Variants in CUX2 observed in about 807,000 individuals in gnomAD.
The protein encoded by CUX2 is cut like homeobox 2.
CUX2 carries 40 observed loss-of-function variants against 144.8 expected under a neutral mutation model. The observed-to-expected ratio is 0.28, with a 90% CI of 0.21 to 0.36. The LOEUF (loss-of-function observed/expected upper bound fraction) is 0.36, where lower values mean the gene tolerates loss of function less well. CUX2 is among the 10% of genes least tolerant of loss of function. The pLI is 1.00. For missense variants in CUX2, 1,615 were observed against 1,994.0 expected, an observed-to-expected ratio of 0.81 and a Z score of 3.62; for synonymous variants, 827 against 875.6, an observed-to-expected ratio of 0.94 and a Z score of 0.98.
intron 4 of CUX2, among the ~76,000 whole-genome samples, chr12:111,278,208 G>A (rs756914572): frequency 4.7e-4 from 72 of 152,346 alleles, no homozygotes; most frequent in Non-Finnish European, 9.1e-4. Context: ...CCTGAGCCCA[G>A]GAGTTTGAGA....
rs776128540 is a variant in CUX2, at chr12:111,307,152, T to C, written c.1050+40T>C. The C allele has an allele frequency of 2.5e-6, 4 of 1,613,894 alleles. No homozygotes were observed. The highest frequency in any genetic ancestry group is 3.4e-6 in the Non-Finnish European group (4 of 1,179,882). On this transcript the variant is annotated intron_variant, in intron 11 of 21. Coordinates refer to ENST00000261726, the MANE Select transcript of CUX2 (RefSeq NM_015267.4). The surrounding 1 kb of genome is among the most constrained non-coding windows in gnomAD (Gnocchi z 4.1). ...GGAGGCAGGCGGGCAGGCGGCCCCA[T>C]GCAGAAGCACACAGACCAGCCTCAC...
intron 1 of CUX2, among the ~76,000 whole-genome samples, chr12:111,119,439 A>T (rs1232830859): frequency 6.7e-6 from 1 of 149,942 alleles, no homozygotes; most frequent in African/African-American, 2.5e-5. Flanking sequence ...CCCCATCTTT[A>T]AAAAAAAAAT....
intron 1 of CUX2, among the ~76,000 whole-genome samples, chr12:111,114,876 T>G (rs780661660): frequency 7.2e-5 from 11 of 152,246 alleles, no homozygotes; most frequent in Non-Finnish European, 1.6e-4. Flanking sequence ...TTTTCTTTTT[T>G]CTTTATGGAT....
chr12:111,157,316 C>A (rs1877460709), intron 1 of CUX2, among the ~76,000 whole-genome samples: 1 of 150,576 alleles, frequency 6.6e-6, no homozygotes, highest in Admixed American at 6.7e-5. Flanking sequence ...ATGTGCCAGG[C>A]ACTAGTTGGG....
intron 3 of CUX2, among the ~76,000 whole-genome samples, chr12:111,220,937 TAAAAAAAAAA>T (rs1162004039): frequency 5.4e-5 from 5 of 92,098 alleles, no homozygotes; most frequent in African/African-American, 8.6e-5. Flanking sequence ...CCTGGTCTCT[TAAAAAAAAAA>T]AAAAAAAAAA....
intron 15 of CUX2, among the ~76,000 whole-genome samples, chr12:111,311,445 T>C (rs1886893249): frequency 6.6e-6 from 1 of 151,848 alleles, no homozygotes; most frequent in African/African-American, 2.4e-5. Flanking sequence ...AACGCCACCA[T>C]GCCTGGCTAA....
At chr12:111,324,465 C>G (rs1468460593) in intron 18 of CUX2, among the ~76,000 whole-genome samples, 1 of 151,794 alleles carries the variant, frequency 6.6e-6, no homozygotes, top group African/African-American at 2.4e-5. Flanking sequence ...GGTGACTTTG[C>G]TCTGCTCCTT....
At chr12:111,265,182 C>T (rs925740363) in intron 4 of CUX2, among the ~76,000 whole-genome samples, 5 of 152,064 alleles carry the variant, frequency 3.3e-5, no homozygotes, top group African/African-American at 9.6e-5. Flanking sequence ...GGAGGGGCCT[C>T]TGGGTGCTGG....
Position 111,291,332 on chromosome 12 carries a change from G to C in CUX2, c.302-86G>C, listed in dbSNP as rs563132899. On this transcript the variant is annotated intron_variant, in intron 4 of 21. Coordinates refer to ENST00000261726, the MANE Select transcript of CUX2 (RefSeq NM_015267.4). ...CAGCGGGGTGACTCCGATGGCTCCT[G>C]TGGAACCTGCCAGGCCCTGCAGCCA... The C allele has an allele frequency of 3.8e-4, 553 of 1,474,016 alleles. 2 individuals carry two copies. The highest frequency in any genetic ancestry group is 3.3e-5 in the Non-Finnish European group (37 of 1,106,532). The allele number at this position is 1,474,016 out of a possible 1,614,324, so 91.3% of individuals were successfully genotyped here.
At chr12:111,330,724 T>TACATATACATATAC (rs1267309535) in intron 18 of CUX2, among the ~76,000 whole-genome samples, 1 of 51,342 alleles carries the variant, frequency 1.9e-5, no homozygotes. Context: ...TATATATATA[T>TACATATACATATAC]ATATATATAT....
chr12:111,041,011 A>G (rs1368197899), intron 1 of CUX2, among the ~76,000 whole-genome samples: 2 of 152,122 alleles, frequency 1.3e-5, no homozygotes. Flanking sequence ...AGTGGATCAA[A>G]CTCAGTTCCC....
chr12:111,191,748 GT>G (rs1201192892), intron 1 of CUX2, among the ~76,000 whole-genome samples: 1 of 152,188 alleles, frequency 6.6e-6, no homozygotes, highest in African/African-American at 2.4e-5. Flanking sequence ...TGGACCTGCT[GT>G]TCCTCTTGCC....
In CUX2 at chr12:111,034,209, AT is replaced by A; in HGVS notation, c.34del (p.Trp12GlyfsTer34). On this transcript the variant is annotated frameshift_variant, in exon 1 of 22. Transcript: ENST00000261726. LOFTEE classifies it high-confidence loss of function. The surrounding 1 kb of genome is among the most constrained non-coding windows in gnomAD (Gnocchi z 4.2). The part of the protein sequence containing the change: MAANVGSMFQ[Y>X]WKRFDLRRLQ... The stretch of plus-strand genomic sequence containing the variant: ...GCCAATGTGGGATCGATGTTTCAAT[AT>A]TGGAAGCGATTTGATCTACGGCGAC... 1 of 1,397,296 alleles carries A rather than the reference AT, an allele frequency of 7.2e-7. No homozygotes were observed. The highest frequency in any genetic ancestry group is 9.6e-7 in the Non-Finnish European group (1 of 1,046,320). The allele number at this position is 1,397,296 out of a possible 1,614,324, so 86.6% of individuals were successfully genotyped here. A position where few individuals can be genotyped will look rare whatever the true frequency, so the allele number is the denominator to read the frequency against.
chr12:111,175,494 T>C (rs1043166392), intron 1 of CUX2, among the ~76,000 whole-genome samples: 1 of 152,124 alleles, frequency 6.6e-6, no homozygotes, highest in Non-Finnish European at 1.5e-5. Flanking sequence ...TCAAGTGACA[T>C]CATAAATTTA....
intron 1 of CUX2, among the ~76,000 whole-genome samples, chr12:111,164,915 G>A (rs1878036347): frequency 6.6e-6 from 1 of 152,200 alleles, no homozygotes; most frequent in African/African-American, 2.4e-5. Flanking sequence ...AGATCTCCAG[G>A]TGACTCGTGT....
chr12:111,226,871 C>T (rs778234458), intron 3 of CUX2, among the ~76,000 whole-genome samples: 4 of 152,210 alleles, frequency 2.6e-5, no homozygotes, highest in Non-Finnish European at 5.9e-5. Context: ...GGTAGGCTTT[C>T]GTGTATGAAA....
chr12:111,206,366 C>T (rs1384424380), intron 1 of CUX2, among the ~76,000 whole-genome samples: 1 of 152,218 alleles, frequency 6.6e-6, no homozygotes, highest in East Asian at 1.9e-4. Context: ...GCAACATTCC[C>T]ATTTCCTCTG....
intron 1 of CUX2, among the ~76,000 whole-genome samples, chr12:111,156,311 C>T (rs1400242791): frequency 6.6e-6 from 1 of 152,168 alleles, no homozygotes; most frequent in Non-Finnish European, 1.5e-5. Flanking sequence ...TTTCTTCCTG[C>T]CCTCATCCCT....
chr12:111,048,023 A>G (rs2136008505), intron 1 of CUX2, among the ~76,000 whole-genome samples: 1 of 152,268 alleles, frequency 6.6e-6, no homozygotes, highest in Admixed American at 6.5e-5. Flanking sequence ...AAGTCCTGGA[A>G]CCAAAGGGAG....
Sources: allele counts gnomAD v4.1 joint callset (sites outside exome capture counted in the v4.1 genomes callset), GRCh38; gene constraint gnomAD v4.1.1; non-coding constraint Gnocchi (gnomAD v3.1); transcripts MANE v1.5; gene names NCBI Gene and HGNC (gene_info 2026-07-23, HGNC 2026-07-21).